ACTN4: variants seen among roughly 807,000 people sequenced by gnomAD.
ACTN4 encodes actinin alpha 4.
Under a neutral mutation model 114.2 loss-of-function variants are expected in ACTN4, and 18 were observed. That is an observed-to-expected ratio of 0.16 (90% CI 0.11 to 0.23). ACTN4 has a LOEUF of 0.23. ACTN4 is among the 10% of genes least tolerant of loss of function. ACTN4 has a pLI of 1.00. For missense variants in ACTN4, 722 were observed against 1,262.9 expected, an observed-to-expected ratio of 0.57 and a Z score of 6.49; for synonymous variants, 515 against 506.3, an observed-to-expected ratio of 1.02 and a Z score of -0.23.
At position 38,724,088 on chromosome 19, in the gene ACTN4, C is replaced by G. The variant is rs908939654; in HGVS notation, c.1692+11C>G. 2 of 1,613,556 alleles carry G rather than the reference C, an allele frequency of 1.2e-6. No individual in the cohort carries two copies. Among genetic ancestry groups the G allele is most frequent in the African/African-American group, 1.3e-5 (1 of 74,898 alleles). On this transcript the variant is annotated intron_variant, in intron 14 of 20. Transcript: ENST00000252699. The surrounding 1 kb of genome is among the most constrained non-coding windows in gnomAD (Gnocchi z 7.0). ...ATCGAGGAGATTGAGGTTCGCACCC[C>G]CCGGCCCCCCATCTTCCCAAGAGCC...
Position 38,731,155 on chromosome 19 carries a change from C to T in ACTN4, c.*1723C>T. 3 of 1,613,220 alleles carry T rather than the reference C, an allele frequency of 1.9e-6. No individual in the cohort carries two copies. The highest frequency in any genetic ancestry group is 2.5e-6 in the Non-Finnish European group (3 of 1,180,006). ...ACACAGGACACGAACCGCTCGAAGT[C>T]CACACGCAGACGGCTATCCCGGTAG... is the stretch of plus-strand genomic sequence containing the variant. On this transcript the variant is annotated 3_prime_UTR_variant, in exon 21 of 21. Transcript: ENST00000252699.
At chr19:38,682,640 C>T (rs980440640) in intron 1 of ACTN4, among the ~76,000 whole-genome samples, 2 of 152,182 alleles carry the variant, frequency 1.3e-5, no homozygotes, top group Non-Finnish European at 2.9e-5. Context: ...ATTGGGGCGG[C>T]GTTCTCCGCG....
At chr19:38,714,280 T>G (rs1968766442) in intron 8 of ACTN4, among the ~76,000 whole-genome samples, 189 bp from the exon 9 acceptor site, 1 of 152,212 alleles carries the variant, frequency 6.6e-6, no homozygotes, top group South Asian at 2.1e-4. Context: ...AGGGGCATTT[T>G]GCAGTCAGCA....
At chr19:38,671,467 G>A (rs140359552) in intron 1 of ACTN4, among the ~76,000 whole-genome samples, 1 of 152,294 alleles carries the variant, frequency 6.6e-6, no homozygotes, top group African/African-American at 2.4e-5. Context: ...GACAGAAATA[G>A]TTTCTTTAGG....
Position 38,713,433 on chromosome 19 carries a change from G to A in ACTN4, c.820-1036G>A, listed in dbSNP as rs559162042. ...ACCCCCACAAGCTGCAGCCCTGGCT[G>A]TGTTTTCCACACTGGCCTGGGGCCC... On this transcript the variant is annotated intron_variant, in intron 8 of 20. Coordinates refer to ENST00000252699, the MANE Select transcript of ACTN4 (RefSeq NM_004924.6). Among the ~76,000 whole-genome samples, 4 of 152,348 alleles carry A rather than the reference G, an allele frequency of 2.6e-5. No individual in the cohort carries two copies. In the South Asian group the frequency reaches 6.2e-4, roughly 24 times the overall value.
chr19:38,702,540 T>C (rs1353339568), intron 3 of ACTN4, among the ~76,000 whole-genome samples: 1 of 152,208 alleles, frequency 6.6e-6, no homozygotes, highest in Non-Finnish European at 1.5e-5. Flanking sequence ...CAGCTGCACC[T>C]GTACTTGCTG....
intron 17 of ACTN4, 91 bp downstream of exon 17, chr19:38,725,994 G>A: frequency 2.0e-6 from 3 of 1,513,958 alleles, no homozygotes; most frequent in Admixed American, 1.7e-5. Flanking sequence ...ATAGCTGTCT[G>A]CTGTCTGTTG....
intron 8 of ACTN4, among the ~76,000 whole-genome samples, 153 bp from the exon 9 acceptor site, chr19:38,714,316 G>A (rs1968767412): frequency 6.6e-6 from 1 of 152,198 alleles, no homozygotes; most frequent in Non-Finnish European, 1.5e-5. Flanking sequence ...AGGCCTATTG[G>A]GACAGGGCAC....
At chr19:38,651,576 T>C (rs1976562618) in intron 1 of ACTN4, among the ~76,000 whole-genome samples, 1 of 152,308 alleles carries the variant, frequency 6.6e-6, no homozygotes, top group East Asian at 1.9e-4. Context: ...TTCGTGTTCA[T>C]TGAAACATCA....
rs1168571081 is a variant in ACTN4 at position 38,730,935 on chromosome 19, G to A, written c.*1503G>A. The A allele has an allele frequency of 6.4e-7, 1 of 1,550,492 alleles. No individual in the cohort carries two copies. Among genetic ancestry groups the A allele is most frequent in the South Asian group, 1.2e-5 (1 of 84,078 alleles). On this transcript the variant is annotated 3_prime_UTR_variant, in exon 21 of 21. Coordinates refer to ENST00000252699, the MANE Select transcript of ACTN4 (RefSeq NM_004924.6). ...GCAGGGAGCTCGCAGGACAGAGCCT[G>A]AGCCACCCTGTCCCTCCCACCTGGC...
At chr19:38,677,578 C>CA (rs2144909438) in intron 1 of ACTN4, among the ~76,000 whole-genome samples, 1 of 124,448 alleles carries the variant, frequency 8.0e-6, no homozygotes, top group South Asian at 2.9e-4. Context: ...AGGCCCCACT[C>CA]ACCCCTGCCA....
At chr19:38,673,362 G>A (rs1004565869) in intron 1 of ACTN4, among the ~76,000 whole-genome samples, 6 of 148,876 alleles carry the variant, frequency 4.0e-5, no homozygotes, top group African/African-American at 9.9e-5. Flanking sequence ...CAGCCTAGTC[G>A]GGGACAATAG....
chr19:38,650,293 G>T (rs1355978555), intron 1 of ACTN4, among the ~76,000 whole-genome samples: 2 of 152,124 alleles, frequency 1.3e-5, no homozygotes, highest in South Asian at 4.1e-4. Context: ...CCGAGAGTTA[G>T]GGTGTGGGCT....
intron 19 of ACTN4, chr19:38,728,416 C>A: frequency 1.3e-6 from 1 of 743,530 alleles, no homozygotes; most frequent in Non-Finnish European, 1.8e-6. Flanking sequence ...ACCCGCTCCT[C>A]CTCCTCCTCC....
chr19:38,669,319 G>A (rs1315785307), intron 1 of ACTN4, among the ~76,000 whole-genome samples: 1 of 152,116 alleles, frequency 6.6e-6, no homozygotes. Flanking sequence ...CTGGCTTGGG[G>A]CATGTTGCTG....
At chr19:38,705,307 C>A (rs1319056444) in intron 4 of ACTN4, among the ~76,000 whole-genome samples, 3 of 152,242 alleles carry the variant, frequency 2.0e-5, no homozygotes, top group Non-Finnish European at 4.4e-5. Flanking sequence ...GCCCGTTTTA[C>A]AGTCCAGGAA....
chr19:38,714,854 C>T (rs1968786674), intron 9 of ACTN4, among the ~76,000 whole-genome samples: 1 of 152,248 alleles, frequency 6.6e-6, no homozygotes. Context: ...GCTTTAGAAT[C>T]ACCTGGGGAG....
At chr19:38,668,284 T>G (rs1967024204) in intron 1 of ACTN4, among the ~76,000 whole-genome samples, 1 of 152,232 alleles carries the variant, frequency 6.6e-6, no homozygotes, top group Non-Finnish European at 1.5e-5. Context: ...ATCCTGTGAT[T>G]TGTTAATATT....
Position 38,721,442 on chromosome 19 carries a change from C to T in ACTN4, c.1292-96C>T. The stretch of plus-strand genomic sequence containing the variant: ...TTGGCATGGAAGGATGTGGGGTCCA[C>T]AGTCTCTCTTTCCCTCCCTCTGCTT... On this transcript the variant is annotated intron_variant, in intron 11 of 20. Transcript: ENST00000252699. 3 of 1,438,464 alleles carry T rather than the reference C, an allele frequency of 2.1e-6. No homozygotes were observed. In the South Asian group the frequency reaches 3.5e-5, roughly 17 times the overall value. 89.1% of individuals were successfully genotyped at this position (1,438,464 alleles called of 1,614,324 possible).
Sources: allele counts gnomAD v4.1 joint callset (sites outside exome capture counted in the v4.1 genomes callset), GRCh38; gene constraint gnomAD v4.1.1; non-coding constraint Gnocchi (gnomAD v3.1); transcripts MANE v1.5; gene names NCBI Gene and HGNC (gene_info 2026-07-23, HGNC 2026-07-21).